Variants in TBC1D5 observed in about 807,000 individuals in gnomAD.
TBC1D5 encodes the protein TBC1 domain family, member 5.
In TBC1D5, 75 loss-of-function variants were observed where a neutral mutation model predicts 100.3. That is an observed-to-expected ratio of 0.75 (90% CI 0.62 to 0.91). TBC1D5 has a LOEUF of 0.91. Ranked by LOEUF, TBC1D5 falls within the 40% of genes least tolerant of loss-of-function variation. The probability of loss-of-function intolerance (pLI) is 0.00; values close to 1 mark genes in which losing one functional copy is unlikely to be tolerated. For synonymous variants in TBC1D5, 323 were observed against 325.6 expected (o/e 0.99, Z 0.09); for missense variants, 910 against 942.4 (o/e 0.97, Z 0.45).
At chr3:17,426,547 C>T (rs1021422597) in intron 4 of TBC1D5, among the ~76,000 whole-genome samples, 2 of 152,004 alleles carry the variant, frequency 1.3e-5, no homozygotes, top group African/African-American at 4.8e-5. Flanking sequence ...AATTAATATT[C>T]TAACATTACA....
intron 13 of TBC1D5, among the ~76,000 whole-genome samples, chr3:17,334,958 T>A (rs1304583342): frequency 2.0e-5 from 3 of 152,196 alleles, no homozygotes; most frequent in African/African-American, 7.2e-5. Flanking sequence ...AGCTTAGAAA[T>A]AATACTAAAA....
intron 13 of TBC1D5, among the ~76,000 whole-genome samples, chr3:17,329,097 A>C (rs2086561312): frequency 6.6e-6 from 1 of 152,302 alleles, no homozygotes; most frequent in South Asian, 2.1e-4. Context: ...TGTCACTGAA[A>C]GGCATCTCTC....
intron 2 of TBC1D5, among the ~76,000 whole-genome samples, chr3:17,532,859 A>C: frequency 7.2e-6 from 1 of 138,152 alleles, no homozygotes; most frequent in African/African-American, 2.6e-5. Flanking sequence ...GGGGGGAGGG[A>C]TAGCATTAGG....
intron 17 of TBC1D5, among the ~76,000 whole-genome samples, chr3:17,220,503 T>C (rs1170060127): frequency 5.3e-5 from 8 of 152,182 alleles, no homozygotes; most frequent in Admixed American, 2.6e-4. Context: ...GAAAGTTTTT[T>C]CTAAATTCTG....
intron 9 of TBC1D5, among the ~76,000 whole-genome samples, chr3:17,378,014 C>T (rs1015089916): frequency 6.6e-5 from 10 of 151,632 alleles, no homozygotes; most frequent in Admixed American, 6.6e-4. Context: ...GGTTTACTCT[C>T]TTGGAATAGT....
chr3:17,708,198 A>AT (rs1387321859), intron 1 of TBC1D5, among the ~76,000 whole-genome samples: 5 of 152,078 alleles, frequency 3.3e-5, no homozygotes, highest in East Asian at 1.9e-4. Flanking sequence ...TGTTTCATAT[A>AT]TTTTTTCAGT....
rs548700891 is a variant in TBC1D5, at chr3:17,597,099, T to C, written c.-36+26750A>G. ...CAAGGCTTATCTGTGAAGTTATATG[T>C]AGGCAGCTGTAGTTTTTAAATTATT... is the stretch of plus-strand genomic sequence containing the variant. On this transcript the variant is annotated intron_variant, in intron 2 of 21. Transcript: ENST00000253692. 1.1e-4 allele frequency among the ~76,000 whole-genome samples: 16 copies of C among 152,380 alleles called. No homozygotes were observed. The East Asian group carries it at 3.1e-3, about 29-fold the overall frequency.
chr3:17,386,249 G>A (rs180925002), intron 8 of TBC1D5, among the ~76,000 whole-genome samples: 8 of 151,976 alleles, frequency 5.3e-5, no homozygotes, highest in Admixed American at 2.0e-4. Flanking sequence ...AATTTTGCAC[G>A]TCCCCTTCCT....
At chr3:17,660,827 G>A (rs1472057755) in intron 1 of TBC1D5, among the ~76,000 whole-genome samples, 2 of 152,076 alleles carry the variant, frequency 1.3e-5, no homozygotes, top group African/African-American at 4.8e-5. Flanking sequence ...TTATTAAAAG[G>A]CAGAACCACC....
intron 16 of TBC1D5, among the ~76,000 whole-genome samples, chr3:17,244,745 G>A (rs2076583726): frequency 6.6e-6 from 1 of 151,964 alleles, no homozygotes; most frequent in African/African-American, 2.4e-5. Flanking sequence ...TCTGCTGAGT[G>A]GATTATGGTT....
intron 3 of TBC1D5, among the ~76,000 whole-genome samples, chr3:17,483,996 TTC>T (rs1380922417): frequency 6.6e-6 from 1 of 152,170 alleles, no homozygotes; most frequent in African/African-American, 2.4e-5. Context: ...CTTCAAAGAA[TTC>T]TCTCAAAACC....
intron 1 of TBC1D5, among the ~76,000 whole-genome samples, chr3:17,726,422 T>TATC (rs1193130224): frequency 6.6e-6 from 1 of 152,256 alleles, no homozygotes; most frequent in African/African-American, 2.4e-5. Context: ...TATGAGATGG[T>TATC]ATCTCATTGT....
intron 19 of TBC1D5, among the ~76,000 whole-genome samples, chr3:17,175,102 T>C (rs776607469): frequency 2.0e-5 from 3 of 152,214 alleles, no homozygotes; most frequent in Admixed American, 6.5e-5. Flanking sequence ...TTAACATTCA[T>C]TGATGGTCTA....
Position 17,185,725 on chromosome 3 carries a change from CAT to C in TBC1D5, c.1753-519_1753-518del, listed in dbSNP as rs2068964987. On this transcript the variant is annotated intron_variant, in intron 18 of 21. Transcript: ENST00000253692. ...AATAAAAAAAAAATAAAAAAAAAGA[CAT>C]AGCTCATCATTTTCTAGACAATGAT... is the stretch of plus-strand genomic sequence containing the variant. Among the ~76,000 whole-genome samples the C allele has an allele frequency of 2.0e-5, 3 of 151,612 alleles. No individual in the cohort carries two copies. The South Asian group carries it at 6.2e-4, about 32-fold the overall frequency.
chr3:17,286,723 A>C (rs531072429), intron 15 of TBC1D5, among the ~76,000 whole-genome samples: 1 of 152,214 alleles, frequency 6.6e-6, no homozygotes, highest in African/African-American at 2.4e-5. Flanking sequence ...CAGATGAAGA[A>C]TTTCTATGAG....
At chr3:17,168,262 A>G (rs1575704935) in intron 19 of TBC1D5, among the ~76,000 whole-genome samples, 1 of 150,882 alleles carries the variant, frequency 6.6e-6, no homozygotes, top group African/African-American at 2.5e-5. Flanking sequence ...ATTAATAAAG[A>G]AACTGTCTTT....
At chr3:17,448,239 C>T (rs1030992169) in intron 3 of TBC1D5, among the ~76,000 whole-genome samples, 1 of 152,194 alleles carries the variant, frequency 6.6e-6, no homozygotes, top group Non-Finnish European at 1.5e-5. Context: ...CTTGCTATTT[C>T]CTGTCCATCG....
intron 2 of TBC1D5, among the ~76,000 whole-genome samples, chr3:17,559,426 G>A (rs1425943606): frequency 3.9e-5 from 6 of 152,062 alleles, no homozygotes; most frequent in Non-Finnish European, 8.8e-5. Context: ...TTACAGGCAT[G>A]AGCCACTAAG....
At chr3:17,166,965 G>T in intron 20 of TBC1D5, 37 bp from the exon 22 acceptor site, 1 of 1,558,802 alleles carries the variant, frequency 6.4e-7, no homozygotes, top group Non-Finnish European at 8.7e-7. Context: ...TGAAAAAAAT[G>T]GATGAGTTTG....
Sources: allele counts gnomAD v4.1 joint callset (sites outside exome capture counted in the v4.1 genomes callset), GRCh38; gene constraint gnomAD v4.1.1; transcripts MANE v1.5; gene names NCBI Gene and HGNC (gene_info 2026-07-23, HGNC 2026-07-21).